COL22A1: variants seen among roughly 807,000 people sequenced by gnomAD.
COL22A1 encodes the protein collagen type XXII alpha 1 chain.
Under a neutral mutation model 248.9 loss-of-function variants are expected in COL22A1, and 221 were observed. The observed-to-expected ratio is 0.89, with a 90% confidence interval of 0.80 to 0.99. COL22A1 has a LOEUF of 0.99. Ranked by LOEUF, COL22A1 falls within the 50% of genes least tolerant of loss-of-function variation. The pLI, the probability that COL22A1 is intolerant of heterozygous loss-of-function variation, is 0.00. For synonymous variants in COL22A1, 891 were observed against 793.4 expected (o/e 1.12, Z -2.07); for missense variants, 2,240 against 2,179.0 (o/e 1.03, Z -0.56).
intron 11 of COL22A1, among the ~76,000 whole-genome samples, chr8:138,802,196 T>C (rs1244487831): frequency 6.6e-6 from 1 of 152,094 alleles, no homozygotes; most frequent in East Asian, 1.9e-4. Flanking sequence ...GGAATTCACT[T>C]CTCAGCCATT....
chr8:138,588,913 A>G lies in COL22A1; in HGVS notation c.*340T>C, dbSNP rs926676544. On this transcript the variant is annotated 3_prime_UTR_variant, in exon 65 of 65. Transcript: ENST00000303045. ...CTTAAAATGGGCAGTTACGCGTCAGATGGGGGCTGTCAGAAGAATGAAGAA... is the reference window on the plus strand; with the variant it reads ...CTTAAAATGGGCAGTTACGCGTCAGGTGGGGGCTGTCAGAAGAATGAAGAA... 5.4e-6 allele frequency: 1 copy of G among 186,012 alleles called. No homozygotes were observed. The highest frequency in any genetic ancestry group is 6.2e-5 in the Admixed American group (1 of 16,070). 11.5% of individuals were successfully genotyped at this position (186,012 alleles called of 1,614,324 possible). A position where few individuals can be genotyped will look rare whatever the true frequency, so the allele number is the denominator to read the frequency against.
intron 41 of COL22A1, among the ~76,000 whole-genome samples, chr8:138,673,943 C>A (rs1033250208): frequency 1.3e-5 from 2 of 152,134 alleles, no homozygotes; most frequent in African/African-American, 4.8e-5. Context: ...TCTTTCTCTC[C>A]CTTTGCAGAA....
chr8:138,804,798 GTGTGTGTGATGGGA>G (rs1331846944), intron 10 of COL22A1, among the ~76,000 whole-genome samples: 1 of 150,622 alleles, frequency 6.6e-6, no homozygotes, highest in African/African-American at 2.4e-5. Flanking sequence ...TGTGGTGTGT[GTGTGTGTGATGGGA>G]TGTGTGTGTG....
At chr8:138,887,916 A>G (rs9324498) in intron 1 of COL22A1, among the ~76,000 whole-genome samples, 119,899 of 152,052 alleles carry the variant, frequency 0.79, 48,364 homozygotes, top group East Asian at 0.99. Flanking sequence ...TCACTCCTTC[A>G]ATCTTTGGTT....
chr8:138,843,278 C>T (rs1442544181), intron 4 of COL22A1, among the ~76,000 whole-genome samples: 1 of 152,174 alleles, frequency 6.6e-6, no homozygotes, highest in Non-Finnish European at 1.5e-5. Flanking sequence ...AGGGTCCCAG[C>T]AGTACCTTCC....
At chr8:138,784,228 C>A (rs961428460) in intron 12 of COL22A1, among the ~76,000 whole-genome samples, 2 of 152,136 alleles carry the variant, frequency 1.3e-5, no homozygotes, top group Admixed American at 1.3e-4. Context: ...TTCCAGGATA[C>A]CTGTCCATCC....
intron 4 of COL22A1, among the ~76,000 whole-genome samples, chr8:138,843,240 G>A (rs1821012961): frequency 6.6e-6 from 1 of 152,158 alleles, no homozygotes; most frequent in South Asian, 2.1e-4. Flanking sequence ...AGAGCACGGT[G>A]ACATGGCAAG....
chr8:138,806,141 T>TGTATGTGTGTGATG (rs1563788737), intron 10 of COL22A1, among the ~76,000 whole-genome samples: 1 of 62,286 alleles, frequency 1.6e-5, no homozygotes, highest in African/African-American at 8.2e-5. Flanking sequence ...TGTGTGGTGG[T>TGTATGTGTGTGATG]GTGTGTGTGA....
At position 138,720,493 on chromosome 8, in the gene COL22A1, C is replaced by T. The variant is rs117413829; in HGVS notation, c.2355+246G>A. Among the ~76,000 whole-genome samples the T allele has an allele frequency of 4.1e-3, 623 of 152,050 alleles. 1 individual carries two copies. The highest frequency in any genetic ancestry group is 7.0e-3 in the Non-Finnish European group (474 of 67,982). On this transcript the variant is annotated intron_variant, in intron 27 of 64. Coordinates refer to ENST00000303045, the MANE Select transcript of COL22A1 (RefSeq NM_152888.3). ...CTTCTCCAGCTGCAGATCTTGGTTC[C>T]GAGGAACCACTCCCTCCTCTGGTGC...
chr8:138,776,255 C>T (rs1814448747), intron 15 of COL22A1, among the ~76,000 whole-genome samples: 1 of 152,164 alleles, frequency 6.6e-6, no homozygotes, highest in Non-Finnish European at 1.5e-5. Flanking sequence ...TGTCCCTTGG[C>T]TTAGGCGATC....
In COL22A1 at chr8:138,606,670, A is replaced by G. The variant is rs995863332; in HGVS notation, c.4033-218T>C. On this transcript the variant is annotated intron_variant, in intron 57 of 64. Coordinates refer to ENST00000303045, the MANE Select transcript of COL22A1 (RefSeq NM_152888.3). ...GGGGAAGAAGATGAGGTCTCCCTGT[A>G]AACAGCCAAGGGTCTTTCCATTTGA... 3.3e-5 allele frequency among the ~76,000 whole-genome samples: 5 copies of G among 152,136 alleles called. No individual in the cohort carries two copies. In the East Asian group the frequency reaches 7.7e-4, roughly 24 times the overall value.
chr8:138,624,376 C>T (rs987496882), intron 51 of COL22A1, among the ~76,000 whole-genome samples: 5 of 151,988 alleles, frequency 3.3e-5, no homozygotes, highest in African/African-American at 1.2e-4. Context: ...TCACAAGGTG[C>T]CAGGGAAGTA....
chr8:138,605,257 T>C (rs1222608990), intron 58 of COL22A1, among the ~76,000 whole-genome samples: 1 of 152,194 alleles, frequency 6.6e-6, no homozygotes, highest in African/African-American at 2.4e-5. Context: ...TGGTTGTACC[T>C]GCCTCAAGGA....
intron 45 of COL22A1, among the ~76,000 whole-genome samples, chr8:138,651,570 G>A (rs956808948): frequency 1.3e-5 from 2 of 152,206 alleles, no homozygotes; most frequent in Non-Finnish European, 2.9e-5. Flanking sequence ...AAGAGTGTAT[G>A]AGATATTCAG....
chr8:138,801,169 T>C (rs1816967744), intron 11 of COL22A1, among the ~76,000 whole-genome samples: 1 of 152,114 alleles, frequency 6.6e-6, no homozygotes. Context: ...TAGGTGAAGG[T>C]GAAGCACAGC....
chr8:138,591,560 G>T (rs2131772369), intron 63 of COL22A1, 59 bp from the exon 64 acceptor site: 2 of 1,365,740 alleles, frequency 1.5e-6, no homozygotes, highest in Non-Finnish European at 2.0e-6. Context: ...CAGAAACTGG[G>T]CGTCCCACCT....
At chr8:138,650,642 A>G (rs900908634) in intron 45 of COL22A1, among the ~76,000 whole-genome samples, 4 of 152,092 alleles carry the variant, frequency 2.6e-5, no homozygotes, top group Admixed American at 1.3e-4. Context: ...TAACACAAGT[A>G]AAGCACTTAG....
At chr8:138,692,978 T>C (rs1827210877) in intron 35 of COL22A1, among the ~76,000 whole-genome samples, 1 of 152,096 alleles carries the variant, frequency 6.6e-6, no homozygotes, top group Non-Finnish European at 1.5e-5. Flanking sequence ...AGACCAGACG[T>C]GTGCTGCTGC....
intron 21 of COL22A1, 43 bp from the exon 22 acceptor site, chr8:138,751,554 G>A (rs1832602169): frequency 1.4e-6 from 2 of 1,393,714 alleles, no homozygotes; most frequent in Non-Finnish European, 2.0e-6. Context: ...AAACATAATG[G>A]TAAATGCAGG....
Sources: gnomAD v4.1 joint callset for allele counts (sites outside exome capture counted in the v4.1 genomes callset) on GRCh38, gnomAD v4.1.1 for gene constraint, MANE v1.5 for transcripts, NCBI Gene and HGNC (gene_info 2026-07-23, HGNC 2026-07-21) for gene names.